MAST4: variants seen among roughly 807,000 people sequenced by gnomAD.
MAST4 encodes microtubule associated serine/threonine kinase family member 4, also known as microtubule-associated serine/threonine-protein kinase 4.
MAST4 carries 89 observed loss-of-function variants against 162.7 expected under a neutral mutation model. That is an observed-to-expected ratio of 0.55 (90% confidence interval 0.46 to 0.65). MAST4 has a LOEUF of 0.65. Among genes scored for constraint, MAST4 ranks in the 30% least tolerant of loss-of-function variants. The pLI is 0.00. For synonymous variants in MAST4, 1,479 were observed against 1,361.1 expected (o/e 1.09, Z -1.91); for missense variants, 3,153 against 3,374.0 (o/e 0.93, Z 1.62).
intron 2 of MAST4, among the ~76,000 whole-genome samples, chr5:66,786,612 C>A (rs1755129655): frequency 6.6e-6 from 1 of 152,274 alleles, no homozygotes; most frequent in South Asian, 2.1e-4. Context: ...ATGCAGCATT[C>A]CTAAATGCAC....
At chr5:66,898,774 T>C (rs1762837195) in intron 3 of MAST4, among the ~76,000 whole-genome samples, 1 of 152,214 alleles carries the variant, frequency 6.6e-6, no homozygotes, top group Admixed American at 6.5e-5. Context: ...TGGAAATATA[T>C]TTGCCAGTTA....
At chr5:66,838,175 A>G (rs1290244709) in intron 3 of MAST4, among the ~76,000 whole-genome samples, 3 of 151,972 alleles carry the variant, frequency 2.0e-5, no homozygotes. Flanking sequence ...AACCACCTCC[A>G]GGGCATGATG....
At position 67,145,257 on chromosome 5, in the gene MAST4, C is replaced by T. The variant is rs767103845; in HGVS notation, c.2972C>T (p.Ala991Val). 5 of 1,613,804 alleles carry T rather than the reference C, an allele frequency of 3.1e-6. No homozygotes were observed. The African/African-American group carries it at 5.3e-5, about 17-fold the overall frequency. ...ACAGAGGGAGAGCAAGATGAAGCTG[C>T]CTCCTGCCCTGGAGACCCCCATGAG... ...ISTEGEQDEA[A>V]SCPGDPHEEP... The change falls in exon 23 of 29, where the codon GCC becomes GTC. Residue 991 changes from alanine to valine, a missense_variant. By Grantham distance (64) the Ala-to-Val change is moderately conservative (BLOSUM62 0). Around this residue, in one of 7 missense-constraint regions of MAST4, gnomAD observed 619 missense variants for 744.2 expected, o/e 0.83. Transcript: ENST00000403625.
At chr5:66,754,974 G>T (rs951842114) in intron 1 of MAST4, among the ~76,000 whole-genome samples, 15 of 152,138 alleles carry the variant, frequency 9.9e-5, no homozygotes, top group Admixed American at 3.3e-4. Flanking sequence ...CCAAGGTCTG[G>T]CAAGAGACCA....
At chr5:66,904,690 T>C (rs1423609880) in intron 4 of MAST4, among the ~76,000 whole-genome samples, 2 of 152,182 alleles carry the variant, frequency 1.3e-5, no homozygotes, top group African/African-American at 4.8e-5. Flanking sequence ...GCTTGATTGA[T>C]GGATTGGTTT....
intron 1 of MAST4, among the ~76,000 whole-genome samples, chr5:66,660,710 A>C (rs1561244610): frequency 1.3e-5 from 2 of 152,206 alleles, no homozygotes; most frequent in African/African-American, 4.8e-5. Context: ...GAAGGATTTT[A>C]ATTTGGGGGA....
At chr5:66,754,411 C>T (rs943118325) in intron 1 of MAST4, among the ~76,000 whole-genome samples, 1 of 152,160 alleles carries the variant, frequency 6.6e-6, no homozygotes, top group Non-Finnish European at 1.5e-5. Context: ...GGGTCTTTTC[C>T]ACACATGAAG....
chr5:66,891,378 C>T (rs908505333), intron 3 of MAST4, among the ~76,000 whole-genome samples: 3 of 152,158 alleles, frequency 2.0e-5, no homozygotes, highest in Admixed American at 6.5e-5. Flanking sequence ...GGCCCTCAGC[C>T]ATGCTTCCTG....
chr5:67,041,517 A>G (rs552813875), intron 4 of MAST4, among the ~76,000 whole-genome samples: 15 of 152,328 alleles, frequency 9.8e-5, no homozygotes, highest in Admixed American at 4.6e-4. Context: ...CAAGTACTCT[A>G]GAATTATTTT....
chr5:66,917,121 G>A (rs1399634355), intron 4 of MAST4: 6 of 692,868 alleles, frequency 8.7e-6, no homozygotes, highest in Non-Finnish European at 1.6e-5. Context: ...ACCAGCACTG[G>A]ATGTCACTGC....
intron 1 of MAST4, among the ~76,000 whole-genome samples, chr5:66,616,380 A>G (rs1376306475): frequency 6.6e-6 from 1 of 152,198 alleles, no homozygotes; most frequent in Non-Finnish European, 1.5e-5. Flanking sequence ...GAGATGTTCA[A>G]ATAATACATA....
In MAST4 at chr5:67,103,981, T is replaced by C. The variant is rs149709885; in HGVS notation, c.1147-385T>C. ...CATTCTGAAATGTTGATTTCACTTA[T>C]GTACCCTCAGATCTGTATTTCACAT... On this transcript the variant is annotated intron_variant, in intron 9 of 28. Transcript: ENST00000403625. Among the ~76,000 whole-genome samples, 898 of 152,374 alleles carry C rather than the reference T, an allele frequency of 5.9e-3. 10 individuals carry two copies. Among genetic ancestry groups the C allele is most frequent in the African/African-American group, 0.019 (796 of 41,590 alleles).
chr5:67,119,472 C>T (rs981360228), intron 13 of MAST4, among the ~76,000 whole-genome samples: 10 of 152,190 alleles, frequency 6.6e-5, no homozygotes, highest in Middle Eastern at 3.4e-3. Context: ...GGGATAAGAA[C>T]CCAGGCTCTG....
chr5:66,603,025 T>C (rs756920315), intron 1 of MAST4, among the ~76,000 whole-genome samples: 2 of 152,070 alleles, frequency 1.3e-5, no homozygotes, highest in Non-Finnish European at 1.5e-5. Context: ...TATTACCGAG[T>C]GTGGAAAAGC....
chr5:66,791,022 T>G (rs1343783485), intron 3 of MAST4, among the ~76,000 whole-genome samples: 1 of 152,134 alleles, frequency 6.6e-6, no homozygotes. Flanking sequence ...GTAATATATC[T>G]TCTTTTTGTT....
intron 1 of MAST4, among the ~76,000 whole-genome samples, chr5:66,734,823 T>A (rs1201233314): frequency 1.3e-5 from 2 of 152,164 alleles, no homozygotes; most frequent in African/African-American, 4.8e-5. Flanking sequence ...ACACATCAAT[T>A]TGTATTTGTT....
At chr5:66,787,557 A>G (rs944326136) in intron 2 of MAST4, among the ~76,000 whole-genome samples, 6 of 152,218 alleles carry the variant, frequency 3.9e-5, no homozygotes, top group African/African-American at 1.4e-4. Context: ...ATACACTGCA[A>G]TCGTTATTAA....
chr5:66,792,878 G>C (rs530029570), intron 3 of MAST4, among the ~76,000 whole-genome samples: 2 of 152,254 alleles, frequency 1.3e-5, no homozygotes, highest in South Asian at 2.1e-4. Flanking sequence ...TTCAAGTATG[G>C]GGGGGATTGG....
chr5:66,850,376 C>A (rs1759215932), intron 3 of MAST4, among the ~76,000 whole-genome samples: 1 of 152,180 alleles, frequency 6.6e-6, no homozygotes, highest in South Asian at 2.1e-4. Flanking sequence ...GTCAAACATT[C>A]CTTTGTTTGT....
Sources: gnomAD v4.1 joint callset for allele counts (sites outside exome capture counted in the v4.1 genomes callset) on GRCh38, gnomAD v4.1.1 for gene constraint, gnomAD v4.1.1 regional missense constraint, MANE v1.5 for transcripts, NCBI Gene and HGNC (gene_info 2026-07-23, HGNC 2026-07-21) for gene names.